RPL7: variants seen among roughly 807,000 people sequenced by gnomAD.
The protein encoded by RPL7 is large ribosomal subunit protein uL30.
For synonymous variants in RPL7, 100 were observed against 102.2 expected (o/e 0.98, Z 0.13); for missense variants, 205 against 301.9 (o/e 0.68, Z 2.38).
rs763890999 is a variant in RPL7 at position 73,292,845 on chromosome 8, G to A, written c.15-48C>T. 2.9e-6 allele frequency: 4 copies of A among 1,390,470 alleles called. No homozygotes were observed. In the African/African-American group the frequency reaches 4.3e-5, roughly 15 times the overall value. 86.1% of individuals were successfully genotyped at this position (1,390,470 alleles called of 1,614,324 possible). Reference sequence around the variant, plus strand: ...TTATCAATAGCTCAAAAAGCTCACAGCGCTGTATTACTCCCGTACTGAGCA... The same window carrying A: ...TTATCAATAGCTCAAAAAGCTCACAACGCTGTATTACTCCCGTACTGAGCA... On this transcript the variant is annotated intron_variant, in intron 1 of 6. Transcript: ENST00000352983.
At position 73,291,265 on chromosome 8, in the gene RPL7, A is replaced by C. The variant is rs752232980; in HGVS notation, c.539-13T>G. The stretch of plus-strand genomic sequence containing the variant: ...ATGCCGTATTTACCTAAATATTTTA[A>C]GGTTATTTAAGATTATTAAAGTTGC... On this transcript the variant is annotated splice_polypyrimidine_tract_variant and intron_variant, in intron 5 of 6. Transcript: ENST00000352983. 1 of 1,586,880 alleles carries C rather than the reference A, an allele frequency of 6.3e-7. No homozygotes were observed. The highest frequency in any genetic ancestry group is 8.6e-7 in the Non-Finnish European group (1 of 1,164,682).
chr8:73,292,681 T>C lies in RPL7; in HGVS notation c.123+8A>G. On this transcript the variant is annotated splice_region_variant and intron_variant, in intron 2 of 6. Transcript: ENST00000352983. ...CTTATGTGCTAGTGCCTCAAAAAGT[T>C]TACTTACCATCTTTTGGGCAAACTT... 1 of 1,605,452 alleles carries C rather than the reference T, an allele frequency of 6.2e-7. No homozygotes were observed. The highest frequency in any genetic ancestry group is 8.5e-7 in the Non-Finnish European group (1 of 1,175,714).
At chr8:73,291,301 G>C in intron 5 of RPL7, 49 bp from the exon 6 acceptor site, 1 of 1,451,548 alleles carries the variant, frequency 6.9e-7, no homozygotes. Flanking sequence ...AAAAAGTTTT[G>C]AAATAATTAT....
intron 4 of RPL7, 30 bp downstream of exon 4, chr8:73,291,743 A>T (rs1814101602): frequency 1.1e-5 from 18 of 1,593,850 alleles, no homozygotes; most frequent in Non-Finnish European, 1.4e-5. Flanking sequence ...CAATTTATCA[A>T]ATAGAAATCA....
chr8:73,293,507 G>A, intron 1 of RPL7, 92 bp downstream of exon 1: 2 of 1,497,492 alleles, frequency 1.3e-6, no homozygotes, highest in Non-Finnish European at 1.8e-6. Context: ...GGGCAAAGGT[G>A]CAAGCTACGG....
At chr8:73,293,943 C>G (rs1563544563), upstream of RPL7, 1 of 295,700 alleles carries the variant, frequency 3.4e-6, no homozygotes, top group Non-Finnish European at 6.6e-6. Flanking sequence ...GTTCCCAGGA[C>G]GAGCCTCATG....
In RPL7 at chr8:73,292,644, A is replaced by G. The variant is rs373707762; in HGVS notation, c.123+45T>C. 1.0e-4 allele frequency: 145 copies of G among 1,417,790 alleles called. 1 individual carries two copies. The African/African-American group carries it at 1.6e-3, about 16-fold the overall frequency. 87.8% of individuals were successfully genotyped at this position (1,417,790 alleles called of 1,614,324 possible). A position where few individuals can be genotyped will look rare whatever the true frequency, so the allele number is the denominator to read the frequency against. On this transcript the variant is annotated intron_variant, in intron 2 of 6. Coordinates refer to ENST00000352983, the MANE Select transcript of RPL7 (RefSeq NM_000971.4). ...AACATTCACCTCATCCTCAATCCCA[A>G]TAAGGCGCCTCCTTATGTGCTAGTG... is the stretch of plus-strand genomic sequence containing the variant.
In RPL7 at chr8:73,291,268, T is replaced by C; in HGVS notation, c.539-16A>G. On this transcript the variant is annotated splice_polypyrimidine_tract_variant and intron_variant, in intron 5 of 6. Transcript: ENST00000352983. ...CCGTATTTACCTAAATATTTTAAGG[T>C]TATTTAAGATTATTAAAGTTGCAAA... The C allele has an allele frequency of 6.4e-7, 1 of 1,573,414 alleles. No individual in the cohort carries two copies. Among genetic ancestry groups the C allele is most frequent in the Non-Finnish European group, 8.6e-7 (1 of 1,156,082 alleles).
chr8:73,293,894 G>T (rs1814178259), upstream of RPL7: 1 of 409,746 alleles, frequency 2.4e-6, no homozygotes, highest in African/African-American at 2.0e-5. Flanking sequence ...TAATCCCCAG[G>T]CTGCGCTGAC....
chr8:73,292,177 G>A (rs1293047994), intron 3 of RPL7, 62 bp downstream of exon 3: 8 of 1,425,254 alleles, frequency 5.6e-6, no homozygotes, highest in Non-Finnish European at 7.7e-6. Flanking sequence ...GCTCCCAGAA[G>A]TAATGTGAAG....
intron 6 of RPL7, 61 bp from the exon 7 acceptor site, chr8:73,290,766 T>C (rs1376383509): frequency 5.6e-6 from 2 of 357,914 alleles, no homozygotes; most frequent in Non-Finnish European, 1.0e-5. Context: ...TAACATAAAC[T>C]AGGCAGTTAT....
chr8:73,293,088 A>G (rs1008237116), intron 1 of RPL7: 3 of 321,724 alleles, frequency 9.3e-6, no homozygotes, highest in Non-Finnish European at 1.7e-5. Context: ...AAAAAACAAA[A>G]AAAACACACC....
intron 1 of RPL7, chr8:73,293,077 A>C (rs1814144771): frequency 6.1e-6 from 2 of 327,956 alleles, no homozygotes; most frequent in South Asian, 1.1e-4. Flanking sequence ...CTAATTAAAA[A>C]AAAAAACAAA....
At chr8:73,291,328 T>A (rs1485432694) in intron 5 of RPL7, 76 bp from the exon 6 acceptor site, 3 of 1,213,886 alleles carry the variant, frequency 2.5e-6, no homozygotes, top group African/African-American at 1.5e-5. Flanking sequence ...TCTTTTTGAA[T>A]AGGCTGTGAG....
rs1307611192 is a variant in RPL7 at position 73,291,152 on chromosome 8, C to G, written c.639G>C (p.Leu213Phe). 1 of 1,606,636 alleles carries G rather than the reference C, an allele frequency of 6.2e-7. No homozygotes were observed. The highest frequency in any genetic ancestry group is 8.5e-7 in the Non-Finnish European group (1 of 1,173,666). Residue 213 changes from leucine to phenylalanine, a missense_variant, in exon 6 of 7, where the codon TTG becomes TTC. Coordinates refer to ENST00000352983, the MANE Select transcript of RPL7 (RefSeq NM_000971.4). Reference sequence around the variant, plus strand: ...TCTTCATTCCACCTCGTGGAGAAGACAATTTGAAGGGCCACAGGAAGTTAT... The same window carrying G: ...TCTTCATTCCACCTCGTGGAGAAGAGAATTTGAAGGGCCACAGGAAGTTAT... ...EANNFLWPFK[L>F]SSPRGGMKKK... is the part of the protein sequence containing the mutation.
At chr8:73,293,476 T>A (rs1586183068) in intron 1 of RPL7, 123 bp downstream of exon 1, 3 of 779,254 alleles carry the variant, frequency 3.8e-6, no homozygotes, top group Non-Finnish European at 5.6e-6. Flanking sequence ...TCACACAGCG[T>A]TCACAATCAA....
rs368894865 is a variant in RPL7 at position 73,291,823 on chromosome 8, G to A, written c.378C>T (p.Asn126=). 6.2e-7 allele frequency: 1 copy of A among 1,612,752 alleles called. No individual in the cohort carries two copies. Among genetic ancestry groups the A allele is most frequent in the African/African-American group, 1.3e-5 (1 of 74,914 alleles). The stretch of plus-strand genomic sequence containing the variant: ...TCCTCAGCATGTTAATCGAAGCCTT[G>A]TTGAGCTTCACAAAGGTTCCATTGA... ...QIFNGTFVKL[N]KASINMLRIV... The change falls in exon 4 of 7, where the codon AAC becomes AAT. Residue 126 remains asparagine, a synonymous_variant. Coordinates refer to ENST00000352983, the MANE Select transcript of RPL7 (RefSeq NM_000971.4).
upstream of RPL7, chr8:73,293,910 T>C: frequency 2.6e-6 from 1 of 379,176 alleles, no homozygotes; most frequent in Non-Finnish European, 5.0e-6. Context: ...CTGACAGGAT[T>C]AGGCTCCGTT....
In RPL7 at chr8:73,292,745, T is replaced by C. The variant is rs971823535; in HGVS notation, c.67A>G (p.Arg23Gly). 6.2e-7 allele frequency: 1 copy of C among 1,613,722 alleles called. No homozygotes were observed. Among genetic ancestry groups the C allele is most frequent in the Non-Finnish European group, 8.5e-7 (1 of 1,179,960 alleles). ...TTGATCTTCAGCTCTGCGAAATTCC[T>C]TCGCTTTTTCTTAAGGGTTTCTGGC... ...AVPETLKKKRRNFAELKIKRL... is the reference protein window; with the variant it reads ...AVPETLKKKRGNFAELKIKRL... Residue 23 changes from arginine (R) to glycine (G), a missense_variant, in exon 2 of 7, where the codon AGG (arginine) becomes GGG (glycine). Physicochemically the swap from Arg to Gly is moderately radical, Grantham distance 125. Coordinates refer to ENST00000352983, the MANE Select transcript of RPL7 (RefSeq NM_000971.4).
Sources: gnomAD v4.1 joint callset for allele counts on GRCh38, gnomAD v4.1.1 for gene constraint, MANE v1.5 for transcripts, NCBI Gene and HGNC (gene_info 2026-07-23, HGNC 2026-07-21) for gene names.